The following C12orf42 variants were observed in gnomAD, a reference collection of about 807,000 sequenced individuals.
The protein encoded by C12orf42 is chromosome 12 open reading frame 42.
In C12orf42, 25 loss-of-function variants were observed where a neutral mutation model predicts 21.6. That is an observed-to-expected ratio of 1.16 (90% CI 0.84 to 1.62). The LOEUF (loss-of-function observed/expected upper bound fraction) is 1.62. Among genes scored for constraint, C12orf42 ranks in the 40% most tolerant of loss-of-function variants. C12orf42 has a pLI of 0.00. For synonymous variants in C12orf42, 174 were observed against 175.0 expected (o/e 0.99, Z 0.05); for missense variants, 483 against 459.3 (o/e 1.05, Z -0.47).
chr12:103,386,512 C>T (rs1460642605), intron 3 of C12orf42, among the ~76,000 whole-genome samples: 6 of 152,124 alleles, frequency 3.9e-5, no homozygotes, highest in East Asian at 1.9e-4. Context: ...CATGGGAAAA[C>T]GAATGACTCT....
At chr12:103,160,175 T>G in the C12orf42 span, among the ~76,000 whole-genome samples, 1 of 152,252 alleles carries the variant, frequency 6.6e-6, no homozygotes, top group Non-Finnish European at 1.5e-5. Flanking sequence ...ATTCCATCAT[T>G]GATCCTTCCC....
intron 5 of C12orf42, among the ~76,000 whole-genome samples, chr12:103,271,144 T>C (rs2136261945): frequency 6.6e-6 from 1 of 152,230 alleles, no homozygotes; most frequent in South Asian, 2.1e-4. Flanking sequence ...GTGACCCCTG[T>C]AAAGTGGGGC....
chr12:103,338,977 T>C (rs2041951822), intron 4 of C12orf42, among the ~76,000 whole-genome samples: 1 of 152,186 alleles, frequency 6.6e-6, no homozygotes, highest in African/African-American at 2.4e-5. Context: ...AAAAAGTACA[T>C]TTTTATAAAA....
intron 4 of C12orf42, among the ~76,000 whole-genome samples, chr12:103,279,008 A>T (rs140131978): frequency 5.3e-5 from 8 of 152,312 alleles, no homozygotes; most frequent in Middle Eastern, 3.4e-3. Flanking sequence ...TTCACTTAAC[A>T]TAATCTCCTC....
At chr12:103,104,503 C>A in the C12orf42 span, among the ~76,000 whole-genome samples, 1 of 152,162 alleles carries the variant, frequency 6.6e-6, no homozygotes, top group Non-Finnish European at 1.5e-5. Flanking sequence ...TGCAGTGGCA[C>A]AATCTCAGCT....
the C12orf42 span, among the ~76,000 whole-genome samples, chr12:103,551,072 AT>A: frequency 1.3e-5 from 2 of 152,096 alleles, no homozygotes; most frequent in African/African-American, 4.8e-5. Flanking sequence ...ACTTATTTTT[AT>A]TACAGTATGA....
chr12:103,101,366 T>C, the C12orf42 span, among the ~76,000 whole-genome samples: 1 of 152,242 alleles, frequency 6.6e-6, no homozygotes, highest in African/African-American at 2.4e-5. Flanking sequence ...AAGAGAAAAG[T>C]TGATTATTCT....
chr12:103,322,108 TGC>T (rs932256294), intron 4 of C12orf42, among the ~76,000 whole-genome samples: 31 of 122,188 alleles, frequency 2.5e-4, no homozygotes, highest in African/African-American at 7.6e-4. Context: ...TGCACGCGCG[TGC>T]GTGCGCGCGC....
the C12orf42 span, among the ~76,000 whole-genome samples, chr12:103,135,948 A>G: frequency 1.3e-5 from 2 of 152,196 alleles, no homozygotes; most frequent in East Asian, 3.9e-4. Context: ...CACAGCTAAC[A>G]TCATACTAAA....
At chr12:103,258,097 T>C (rs1196375973) in intron 10 of C12orf42, among the ~76,000 whole-genome samples, 1 of 152,150 alleles carries the variant, frequency 6.6e-6, no homozygotes, top group African/African-American at 2.4e-5. Context: ...CAGAGTTTTA[T>C]ATTTATTAAA....
the C12orf42 span, among the ~76,000 whole-genome samples, chr12:103,064,277 A>C: frequency 2.0e-5 from 3 of 152,162 alleles, no homozygotes; most frequent in South Asian, 6.2e-4. Context: ...TCAACTACAA[A>C]ATTTAAATAC....
intron 3 of C12orf42, among the ~76,000 whole-genome samples, chr12:103,377,742 G>C (rs756126018): frequency 5.3e-5 from 8 of 152,068 alleles, no homozygotes; most frequent in Non-Finnish European, 1.2e-4. Context: ...GCACTCCCTG[G>C]TTTAGAAGAT....
the C12orf42 span, among the ~76,000 whole-genome samples, chr12:103,513,373 A>T: frequency 6.6e-6 from 1 of 152,196 alleles, no homozygotes; most frequent in Non-Finnish European, 1.5e-5. Context: ...AAAGAAAAAC[A>T]TTCTTAAGAA....
chr12:103,185,457 C>A, the C12orf42 span, among the ~76,000 whole-genome samples: 2 of 151,888 alleles, frequency 1.3e-5, no homozygotes, highest in African/African-American at 2.4e-5. Flanking sequence ...TACTACAGAC[C>A]CTTCCTTCTT....
downstream of C12orf42, among the ~76,000 whole-genome samples, chr12:103,266,300 T>G (rs2035166665): frequency 6.6e-6 from 1 of 152,144 alleles, no homozygotes; most frequent in South Asian, 2.1e-4. Flanking sequence ...CAAGACTGGT[T>G]GTATTTATAT....
At chr12:103,504,627 GGAGGACATGCTCACT>G in the C12orf42 span, 51,345 of 152,354 alleles carry the variant, frequency 0.34, 8,971 homozygotes, top group African/African-American at 0.41. Flanking sequence ...TTCAGAAGTT[GGAGGACATGCTCACT>G]GAGGTCACGC....
chr12:103,343,570 G>T (rs966028729), intron 4 of C12orf42, among the ~76,000 whole-genome samples: 17 of 152,166 alleles, frequency 1.1e-4, no homozygotes, highest in Admixed American at 7.2e-4. Context: ...CCTGAGGTCA[G>T]GAGTACGAGA....
rs574522577 is a variant in C12orf42, at chr12:103,383,830, C to T, written c.148-14832G>A. Among the ~76,000 whole-genome samples the T allele has an allele frequency of 3.9e-5, 6 of 152,216 alleles. No homozygotes were observed. In the South Asian group the frequency reaches 6.2e-4, roughly 16 times the overall value. The stretch of plus-strand genomic sequence containing the variant: ...TTGAAAGTACTAAAATGAGATAATA[C>T]CAATAAGGTGCCTAGTCCAGAGCAA... On this transcript the variant is annotated intron_variant, in intron 3 of 5. Coordinates refer to ENST00000548883, the MANE Select transcript of C12orf42 (RefSeq NM_198521.5).
At chr12:103,067,535 C>G in the C12orf42 span, among the ~76,000 whole-genome samples, 2 of 152,118 alleles carry the variant, frequency 1.3e-5, no homozygotes, top group Non-Finnish European at 1.5e-5. Flanking sequence ...ATATATGGTA[C>G]TTTCTGTTTC....
Sources: allele counts gnomAD v4.1 joint callset (sites outside exome capture counted in the v4.1 genomes callset), GRCh38; gene constraint gnomAD v4.1.1; transcripts MANE v1.5; gene names NCBI Gene and HGNC (gene_info 2026-07-23, HGNC 2026-07-21).